WDR41: variants seen among roughly 807,000 people sequenced by gnomAD.
The protein encoded by WDR41 is WD repeat domain 41.
A neutral mutation model predicts 69.3 loss-of-function variants in WDR41; 63 were observed. The observed-to-expected ratio is 0.91, with a 90% confidence interval of 0.74 to 1.12. The LOEUF (loss-of-function observed/expected upper bound fraction) is 1.12. WDR41 is among the 50% of genes most tolerant of loss of function. WDR41 has a pLI of 0.00. For missense variants in WDR41, 543 were observed against 534.5 expected (o/e 1.02, Z -0.16); for synonymous variants, 185 against 192.1 (o/e 0.96, Z 0.31).
At chr5:77,518,788 G>A (rs1802330076) in intron 1 of WDR41, among the ~76,000 whole-genome samples, 1 of 151,936 alleles carries the variant, frequency 6.6e-6, no homozygotes, top group Non-Finnish European at 1.5e-5. Flanking sequence ...GAAGTTTCAA[G>A]GATACTACTT....
chr5:77,529,563 ACAAT>A (rs1802496802), intron 1 of WDR41, among the ~76,000 whole-genome samples: 1 of 151,580 alleles, frequency 6.6e-6, no homozygotes, highest in Admixed American at 6.6e-5. Context: ...ATTAGCCAAG[ACAAT>A]CTTGGAAAAG....
intron 1 of WDR41, chr5:77,545,953 G>A (rs1458632035): frequency 1.4e-5 from 7 of 488,964 alleles, no homozygotes; most frequent in Non-Finnish European, 3.6e-6. Flanking sequence ...GGCCGCTGTG[G>A]CTCCGTGCTG....
chr5:77,581,865 C>A (rs1743945619), intron 1 of WDR41, among the ~76,000 whole-genome samples: 1 of 152,118 alleles, frequency 6.6e-6, no homozygotes. Flanking sequence ...GAAGGAAATA[C>A]ATAGCTGCAA....
intron 1 of WDR41, among the ~76,000 whole-genome samples, chr5:77,550,872 G>A (rs1271912097): frequency 1.3e-5 from 2 of 152,098 alleles, no homozygotes; most frequent in Admixed American, 1.3e-4. Context: ...AGAAAATATA[G>A]TACATGTATA....
intron 1 of WDR41, among the ~76,000 whole-genome samples, chr5:77,529,886 C>T (rs575011174): frequency 2.6e-5 from 4 of 151,530 alleles, no homozygotes; most frequent in Non-Finnish European, 5.9e-5. Context: ...GATTTGTAGA[C>T]CTAAGCACAA....
At chr5:77,547,889 A>G (rs1743226772) in intron 1 of WDR41, among the ~76,000 whole-genome samples, 1 of 152,208 alleles carries the variant, frequency 6.6e-6, no homozygotes, top group Non-Finnish European at 1.5e-5. Context: ...ACTATACTAT[A>G]AGGCCATAGT....
chr5:77,473,825 G>A (rs533902015), intron 2 of WDR41, among the ~76,000 whole-genome samples: 1 of 152,278 alleles, frequency 6.6e-6, no homozygotes, highest in East Asian at 1.9e-4. Flanking sequence ...GGAGAAACAG[G>A]AACACTTTTA....
chr5:77,589,649 AT>A (rs1334443446), intron 1 of WDR41, among the ~76,000 whole-genome samples: 2 of 152,176 alleles, frequency 1.3e-5, no homozygotes, highest in Non-Finnish European at 2.9e-5. Flanking sequence ...TCATTTTAAA[AT>A]TCTTCACTAC....
chr5:77,440,549 C>T (rs1166661327), intron 9 of WDR41, among the ~76,000 whole-genome samples: 1 of 152,172 alleles, frequency 6.6e-6, no homozygotes, highest in African/African-American at 2.4e-5. Flanking sequence ...AACCTCAAAT[C>T]CAATGGGATT....
At chr5:77,594,427 T>C (rs1049309421) in intron 1 of WDR41, among the ~76,000 whole-genome samples, 1 of 151,584 alleles carries the variant, frequency 6.6e-6, no homozygotes, top group African/African-American at 2.4e-5. Flanking sequence ...AAAATGTATA[T>C]ATAAAAAATA....
At chr5:77,577,010 T>C (rs1743846890) in intron 1 of WDR41, among the ~76,000 whole-genome samples, 1 of 152,274 alleles carries the variant, frequency 6.6e-6, no homozygotes, top group Non-Finnish European at 1.5e-5. Flanking sequence ...AGAGTTGACA[T>C]TGGAAGTGAA....
At chr5:77,494,778 A>T (rs769913006), upstream of WDR41, among the ~76,000 whole-genome samples, 2 of 152,178 alleles carry the variant, frequency 1.3e-5, no homozygotes, top group Non-Finnish European at 2.9e-5. Context: ...GAAATAGAGG[A>T]CATAAACAAC....
chr5:77,614,238 C>T (rs1329527863), intron 1 of WDR41, among the ~76,000 whole-genome samples: 261 of 148,474 alleles, frequency 1.8e-3, no homozygotes, highest in African/African-American at 5.9e-3. Flanking sequence ...GTCAGTGTGG[C>T]GATTCCTCAG....
Position 77,438,374 on chromosome 5 carries a change from G to A in WDR41, c.883-13C>T. ...CAGCAAATACATTCTAGGGGAAGAA[G>A]TTCAGAAATGGGCATAAAACTAGCA... On this transcript the variant is annotated splice_polypyrimidine_tract_variant and intron_variant, in intron 9 of 12. Transcript: ENST00000296679. 1 of 1,613,438 alleles carries A rather than the reference G, an allele frequency of 6.2e-7. No homozygotes were observed. Among genetic ancestry groups the A allele is most frequent in the Non-Finnish European group, 8.5e-7 (1 of 1,179,552 alleles).
Position 77,596,796 on chromosome 5 carries a change from G to A in WDR41, c.42+23683C>T, listed in dbSNP as rs115840159. On this transcript the variant is annotated intron_variant, in intron 1 of 5. Coordinates refer to the WDR41 transcript ENST00000509971. ...CGGCAAATGTCAACACAGTGAAAAA[G>A]GTAGATAACATCTTGTCTTATTATG... Among the ~76,000 whole-genome samples, 909 of 152,214 alleles carry A rather than the reference G, an allele frequency of 6.0e-3. 7 individuals are homozygous for A. Among genetic ancestry groups the A allele is most frequent in the African/African-American group, 0.021 (861 of 41,520 alleles).
chr5:77,514,693 AGGGTAC>A (rs1424719300), intron 1 of WDR41, among the ~76,000 whole-genome samples: 1 of 152,194 alleles, frequency 6.6e-6, no homozygotes, highest in African/African-American at 2.4e-5. Flanking sequence ...GCCATTGTAG[AGGGTAC>A]TTACACAACC....
intron 1 of WDR41, among the ~76,000 whole-genome samples, chr5:77,591,112 C>T (rs1214477094): frequency 6.6e-6 from 1 of 151,708 alleles, no homozygotes; most frequent in Non-Finnish European, 1.5e-5. Flanking sequence ...TCCCTGATTC[C>T]ATTTTCTTAA....
chr5:77,561,505 A>G (rs1743523641), intron 1 of WDR41, among the ~76,000 whole-genome samples: 1 of 152,134 alleles, frequency 6.6e-6, no homozygotes, highest in Admixed American at 6.6e-5. Flanking sequence ...CAACATTTAA[A>G]TAATGTTTCT....
intron 4 of WDR41, among the ~76,000 whole-genome samples, chr5:77,461,608 CG>C (rs1239658167): frequency 6.6e-6 from 1 of 152,038 alleles, no homozygotes; most frequent in Non-Finnish European, 1.5e-5. Flanking sequence ...GATGCCAAGG[CG>C]GGCAGATCAC....
Sources: allele counts gnomAD v4.1 joint callset (sites outside exome capture counted in the v4.1 genomes callset), GRCh38; gene constraint gnomAD v4.1.1; transcripts MANE v1.5; gene names NCBI Gene and HGNC (gene_info 2026-07-23, HGNC 2026-07-21).